Variants in GALNT18 observed in about 807,000 individuals in gnomAD.
GALNT18 encodes the protein GalNAc-transferase 18.
A neutral mutation model predicts 69.5 loss-of-function variants in GALNT18; 44 were observed. The ratio of observed to expected loss-of-function variants is 0.63; its 90% CI spans 0.50 to 0.81. GALNT18 has a LOEUF of 0.81. Ranked by LOEUF, GALNT18 falls within the 40% of genes least tolerant of loss-of-function variation. The pLI, the probability that GALNT18 is intolerant of heterozygous loss-of-function variation, is 0.00. For missense variants in GALNT18, 715 were observed against 810.0 expected (o/e 0.88, Z 1.42); for synonymous variants, 364 against 318.2 (o/e 1.14, Z -1.53).
rs1220322902 is a variant in GALNT18 at position 11,314,253 on chromosome 11, C to T, written c.1512+12833G>A. On this transcript the variant is annotated intron_variant, in intron 9 of 10. Coordinates refer to ENST00000227756, the MANE Select transcript of GALNT18 (RefSeq NM_198516.3). This position sits in a 1 kb window ranked among gnomAD's most constrained non-coding sequence, Gnocchi z 5.2. ...TGGTCCACTGTGGAGCTGCTAATGA[C>T]TGCTTCTCCCCAGCCTGCAGGAGTT... Among the ~76,000 whole-genome samples, 1 of 152,186 alleles carries T rather than the reference C, an allele frequency of 6.6e-6. No individual in the cohort carries two copies. The highest frequency in any genetic ancestry group is 1.9e-4 in the East Asian group (1 of 5,194).
chr11:11,551,646 C>A (rs933114118), intron 1 of GALNT18, among the ~76,000 whole-genome samples: 4 of 152,046 alleles, frequency 2.6e-5, no homozygotes, highest in Admixed American at 1.3e-4. Flanking sequence ...AGGTAACTGC[C>A]CATTTTCTGG....
intron 2 of GALNT18, among the ~76,000 whole-genome samples, chr11:11,443,034 C>T (rs1855567410): frequency 1.3e-5 from 2 of 152,226 alleles, no homozygotes; most frequent in Non-Finnish European, 2.9e-5. Flanking sequence ...CCAGAGCCCC[C>T]ACTTCTATCC....
chr11:11,287,583 C>T (rs760806878), intron 10 of GALNT18, among the ~76,000 whole-genome samples: 1 of 152,162 alleles, frequency 6.6e-6, no homozygotes, highest in Admixed American at 6.5e-5. Flanking sequence ...CCCAGAATCC[C>T]CCAAATCTCA....
At chr11:11,283,915 A>G (rs909461338) in intron 10 of GALNT18, among the ~76,000 whole-genome samples, 3 of 152,050 alleles carry the variant, frequency 2.0e-5, no homozygotes, top group African/African-American at 7.3e-5. Flanking sequence ...GGCTAATAAT[A>G]ATTCCTAGAG....
Position 11,293,032 on chromosome 11 carries a change from A to G in GALNT18, c.1674T>C (p.Ser558=), listed in dbSNP as rs573227011. 14 of 1,371,670 alleles carry G rather than the reference A, an allele frequency of 1.0e-5. No homozygotes were observed. The South Asian group carries it at 2.3e-4, about 22-fold the overall frequency. The allele number at this position is 1,371,670 out of a possible 1,614,324, so 85.0% of individuals were successfully genotyped here. ...GCCCGGGCTCTGGGGCTGTTACCTG[A>G]GAGAACTGCCAGTGAAGCTTCATCC... ...AKRMKLHWQF[S]QGGPIQNRKS... Residue 558 remains serine (S), a synonymous_variant, in exon 10 of 11, where the codon TCT becomes TCC. Transcript: ENST00000227756.
At chr11:11,477,598 T>C (rs6416093) in intron 1 of GALNT18, among the ~76,000 whole-genome samples, 124,327 of 152,176 alleles carry the variant, frequency 0.82, 51,574 homozygotes, top group East Asian at 0.97. Flanking sequence ...AGCAGGAACC[T>C]ATTCCCCTCC....
At chr11:11,368,131 A>G (rs1308045034) in intron 6 of GALNT18, among the ~76,000 whole-genome samples, 1 of 152,230 alleles carries the variant, frequency 6.6e-6, no homozygotes, top group Non-Finnish European at 1.5e-5. Context: ...TGAAGACATT[A>G]TATCATAATC....
At chr11:11,486,243 C>T (rs560168974) in intron 1 of GALNT18, among the ~76,000 whole-genome samples, 2 of 152,342 alleles carry the variant, frequency 1.3e-5, no homozygotes, top group South Asian at 2.1e-4. Context: ...GCCTTCTTCC[C>T]TGTATTCATT....
rs1261386999 is a variant in GALNT18 at position 11,522,589 on chromosome 11, C to CATG, written c.236-73656_236-73654dup. ...GAAGACCTCTGACTGGTCCATGCCACATGCCACGCTCCTTGGGACCACTGC... is the reference window on the plus strand; with the variant it reads ...GAAGACCTCTGACTGGTCCATGCCACATGATGCCACGCTCCTTGGGACCACTGC... On this transcript the variant is annotated intron_variant, in intron 1 of 10. Coordinates refer to ENST00000227756, the MANE Select transcript of GALNT18 (RefSeq NM_198516.3). 2.0e-5 allele frequency among the ~76,000 whole-genome samples: 3 copies of CATG among 152,324 alleles called. No individual in the cohort carries two copies. The East Asian group carries it at 5.8e-4, about 29-fold the overall frequency.
chr11:11,377,158 C>A lies in GALNT18; in HGVS notation c.977+24G>T, dbSNP rs775697061. The A allele has an allele frequency of 1.2e-6, 2 of 1,608,442 alleles. No homozygotes were observed. Among genetic ancestry groups the A allele is most frequent in the South Asian group, 2.2e-5 (2 of 90,850 alleles). ...TAGCCTGGAGGTCAAAGCGGAGAGA[C>A]CCACAGGTAAAGGTTTGCTTTACCT... On this transcript the variant is annotated intron_variant, in intron 5 of 10. Coordinates refer to ENST00000227756, the MANE Select transcript of GALNT18 (RefSeq NM_198516.3). This position sits in a 1 kb window ranked among gnomAD's most constrained non-coding sequence, Gnocchi z 4.6.
At chr11:11,537,405 GA>G (rs1857805915) in intron 1 of GALNT18, among the ~76,000 whole-genome samples, 1 of 152,132 alleles carries the variant, frequency 6.6e-6, no homozygotes, top group African/African-American at 2.4e-5. Context: ...GGAGAATTTA[GA>G]AAATGTGGTC....
intron 3 of GALNT18, among the ~76,000 whole-genome samples, chr11:11,381,734 G>T (rs376321077): frequency 6.6e-6 from 1 of 152,186 alleles, no homozygotes; most frequent in African/African-American, 2.4e-5. Flanking sequence ...AGACAGGTGA[G>T]TGAGGCCCTC....
intron 3 of GALNT18, among the ~76,000 whole-genome samples, chr11:11,410,157 G>T (rs762155281): frequency 6.6e-6 from 1 of 152,144 alleles, no homozygotes; most frequent in Admixed American, 6.5e-5. Context: ...CCCTGTCAAG[G>T]ACTCCCTGTG....
chr11:11,406,792 G>T (rs1289953205), intron 3 of GALNT18, among the ~76,000 whole-genome samples: 2 of 152,252 alleles, frequency 1.3e-5, no homozygotes, highest in African/African-American at 4.8e-5. Flanking sequence ...AAGGACATGG[G>T]AATTATCAAA....
rs1420500618 is a variant in GALNT18, at chr11:11,621,613, A to T, written c.-20T>A. On this transcript the variant is annotated 5_prime_UTR_variant, in exon 1 of 11. Transcript: ENST00000227756. This position sits in a 1 kb window ranked among gnomAD's most constrained non-coding sequence, Gnocchi z 9.3. ...CACCATTCTGGGCTCCTTCCTCCATATAGAGCTCCCGGGGGCCCTTCCTTG... is the reference window on the plus strand; with the variant it reads ...CACCATTCTGGGCTCCTTCCTCCATTTAGAGCTCCCGGGGGCCCTTCCTTG... 6.5e-7 allele frequency: 1 copy of T among 1,543,344 alleles called. No homozygotes were observed. Among genetic ancestry groups the T allele is most frequent in the African/African-American group, 1.4e-5 (1 of 72,950 alleles).
intron 1 of GALNT18, among the ~76,000 whole-genome samples, chr11:11,507,628 A>G (rs1857091106): frequency 1.3e-5 from 2 of 152,200 alleles, no homozygotes; most frequent in South Asian, 4.1e-4. Flanking sequence ...AAACATATAT[A>G]TTCCCTTTCT....
At position 11,605,823 on chromosome 11, in the gene GALNT18, C is replaced by T. The variant is rs1037076535; in HGVS notation, c.235+15536G>A. Among the ~76,000 whole-genome samples, 5 of 152,122 alleles carry T rather than the reference C, an allele frequency of 3.3e-5. No individual in the cohort carries two copies. The highest frequency in any genetic ancestry group is 7.2e-5 in the African/African-American group (3 of 41,416). On this transcript the variant is annotated intron_variant, in intron 1 of 10. Transcript: ENST00000227756. This position sits in a 1 kb window ranked among gnomAD's most constrained non-coding sequence, Gnocchi z 4.7. ...GACAGCTTTATTAAAATGAAGATGT[C>T]GAGGGTCCCTTGAAGGCTTCAGGCT...
intron 9 of GALNT18, among the ~76,000 whole-genome samples, chr11:11,323,486 A>G (rs973255210): frequency 6.6e-6 from 1 of 152,224 alleles, no homozygotes; most frequent in Non-Finnish European, 1.5e-5. Context: ...CTTTGGCTCA[A>G]TGCTCTGCCC....
rs984085201 is a variant in GALNT18, at chr11:11,465,281, G to C, written c.236-16345C>G. The stretch of plus-strand genomic sequence containing the variant: ...GCCACAGTGGGAGGGTCTGTATTTA[G>C]ACTGATTTCCCCTGAGACTGGGGAG... On this transcript the variant is annotated intron_variant, in intron 1 of 10. Transcript: ENST00000227756. The surrounding 1 kb of genome is among the most constrained non-coding windows in gnomAD (Gnocchi z 5.7). 6.6e-5 allele frequency among the ~76,000 whole-genome samples: 10 copies of C among 152,134 alleles called. No homozygotes were observed. The highest frequency in any genetic ancestry group is 2.2e-4 in the African/African-American group (9 of 41,414).
Sources: allele counts gnomAD v4.1 joint callset (sites outside exome capture counted in the v4.1 genomes callset), GRCh38; gene constraint gnomAD v4.1.1; non-coding constraint Gnocchi (gnomAD v3.1); transcripts MANE v1.5; gene names NCBI Gene and HGNC (gene_info 2026-07-23, HGNC 2026-07-21).